Variants in RHOBTB2 observed in about 807,000 individuals in gnomAD.
The protein encoded by RHOBTB2 is rho-related BTB domain-containing protein 2.
In RHOBTB2, 39 loss-of-function variants were observed where a neutral mutation model predicts 66.5. That is an observed-to-expected ratio of 0.59 (90% confidence interval 0.45 to 0.77). The LOEUF (loss-of-function observed/expected upper bound fraction) is 0.77, where lower values mean the gene tolerates loss of function less well. Among genes scored for constraint, RHOBTB2 ranks in the 30% least tolerant of loss-of-function variants. RHOBTB2 has a pLI of 0.00. For synonymous variants in RHOBTB2, 390 were observed against 395.0 expected, an observed-to-expected ratio of 0.99 and a Z score of 0.15; for missense variants, 755 against 999.1, an observed-to-expected ratio of 0.76 and a Z score of 3.29.
chr8:22,962,039 TA>T, the RHOBTB2 span, among the ~76,000 whole-genome samples: 2 of 152,004 alleles, frequency 1.3e-5, no homozygotes, highest in African/African-American at 4.8e-5. Context: ...CTGGTGACTG[TA>T]CTCCCAACTA....
Position 23,007,532 on chromosome 8 carries a change from C to A in RHOBTB2, c.1287C>A (p.Val429=). 1 of 1,614,134 alleles carries A rather than the reference C, an allele frequency of 6.2e-7. No individual in the cohort carries two copies. The highest frequency in any genetic ancestry group is 8.5e-7 in the Non-Finnish European group (1 of 1,180,004). ...SSIQPGPFRA[V]LKYLYTGELD... ...TCCAGCCGGGGCCCTTCCGGGCTGT[C>A]CTCAAGTACCTGTACACGGGGGAGC... Residue 429 remains valine, a synonymous_variant, in exon 5 of 10, where the codon GTC becomes GTA. Coordinates refer to ENST00000251822, the MANE Select transcript of RHOBTB2 (RefSeq NM_015178.3).
chr8:22,976,453 T>G, the RHOBTB2 span, among the ~76,000 whole-genome samples: 1 of 151,812 alleles, frequency 6.6e-6, no homozygotes. Context: ...ACTTGAGGGG[T>G]TCAGGAAGAA....
upstream of RHOBTB2, among the ~76,000 whole-genome samples, chr8:22,997,928 G>A (rs1270156118): frequency 6.6e-6 from 1 of 152,220 alleles, no homozygotes; most frequent in Non-Finnish European, 1.5e-5. Context: ...GGAAGAACAT[G>A]TGTGAGCATG....
the RHOBTB2 span, among the ~76,000 whole-genome samples, chr8:22,963,470 C>T: frequency 2.0e-5 from 3 of 151,652 alleles, no homozygotes; most frequent in Non-Finnish European, 2.9e-5. Flanking sequence ...GAGAAAAGCA[C>T]AGGAAGTTTC....
rs957528229 is a variant in RHOBTB2, at chr8:23,004,823, C to T, written c.192+197C>T. 1.1e-5 allele frequency: 7 copies of T among 609,128 alleles called. No individual in the cohort carries two copies. Among genetic ancestry groups the T allele is most frequent in the South Asian group, 5.9e-5 (3 of 51,044 alleles). The allele number at this position is 609,128 out of a possible 1,614,324, so 37.7% of individuals were successfully genotyped here. ...GTCTGCCCCAGGGAAGTGTCTCTGG[C>T]TGGTTGTGTTTTCAGGGACTGAGCT... On this transcript the variant is annotated intron_variant, in intron 2 of 9. Transcript: ENST00000251822. The surrounding 1 kb of genome is among the most constrained non-coding windows in gnomAD (Gnocchi z 6.4).
At chr8:22,975,491 C>T in the RHOBTB2 span, among the ~76,000 whole-genome samples, 1 of 152,028 alleles carries the variant, frequency 6.6e-6, no homozygotes, top group South Asian at 2.1e-4. Context: ...TTTCATGTGG[C>T]CCAAGTGCTG....
intron 7 of RHOBTB2, among the ~76,000 whole-genome samples, chr8:23,012,911 C>T (rs1342061862): frequency 6.6e-6 from 1 of 152,206 alleles, no homozygotes; most frequent in Non-Finnish European, 1.5e-5. Flanking sequence ...TCAAGCGATT[C>T]TCCTGCCTGA....
rs1405291434 is a variant in RHOBTB2 at position 23,007,306 on chromosome 8, C to T, written c.1061C>T (p.Ala354Val). ...SFDVCESVDE[A>V]GGSGPAGLRA... ...GACGTGTGCGAGAGCGTGGATGAGGCTGGGGGCTCCGGTCCTGCTGGCCTC... is the reference window on the plus strand; with the variant it reads ...GACGTGTGCGAGAGCGTGGATGAGGTTGGGGGCTCCGGTCCTGCTGGCCTC... The change falls in exon 5 of 10, where the codon GCT becomes GTT. Residue 354 changes from alanine to valine, a missense_variant. Physicochemically the swap from Ala to Val is moderately conservative, Grantham distance 64 (BLOSUM62 0). Around this residue, in one of 7 missense-constraint regions of RHOBTB2, gnomAD observed 247 missense variants for 238.9 expected, o/e 1.03. Coordinates refer to ENST00000251822, the MANE Select transcript of RHOBTB2 (RefSeq NM_015178.3). 4 of 1,613,620 alleles carry T rather than the reference C, an allele frequency of 2.5e-6. No homozygotes were observed. Among genetic ancestry groups the T allele is most frequent in the East Asian group, 2.2e-5 (1 of 44,900 alleles).
upstream of RHOBTB2, chr8:22,998,857 G>C (rs957656190): frequency 1.3e-5 from 2 of 152,092 alleles, no homozygotes. Flanking sequence ...GTAAATTGAG[G>C]CAGAAAACCC....
the RHOBTB2 span, among the ~76,000 whole-genome samples, chr8:22,976,229 C>T: frequency 6.6e-6 from 1 of 152,102 alleles, no homozygotes; most frequent in Non-Finnish European, 1.5e-5. Flanking sequence ...AGGGTCAAAG[C>T]TGTAAAGTCC....
At chr8:23,012,721 C>T (rs560426700) in intron 7 of RHOBTB2, among the ~76,000 whole-genome samples, 1 of 152,258 alleles carries the variant, frequency 6.6e-6, no homozygotes, top group Admixed American at 6.5e-5. Flanking sequence ...TGGGCTCAAG[C>T]GATCCTCCCA....
chr8:22,967,955 G>A, the RHOBTB2 span, among the ~76,000 whole-genome samples: 3 of 152,050 alleles, frequency 2.0e-5, no homozygotes, highest in Admixed American at 6.6e-5. Flanking sequence ...CCAGGAGTTC[G>A]AGAGCAGCCT....
chr8:22,988,282 C>T (rs753537838), intron 1 of RHOBTB2, among the ~76,000 whole-genome samples: 7 of 151,844 alleles, frequency 4.6e-5, no homozygotes, highest in African/African-American at 1.7e-4. Context: ...GCCTTAGCCT[C>T]CCATGTAGCT....
upstream of RHOBTB2, among the ~76,000 whole-genome samples, chr8:22,997,457 G>A (rs1319039641): frequency 1.3e-5 from 2 of 152,148 alleles, no homozygotes; most frequent in East Asian, 1.9e-4. Context: ...GGGGCGGGGC[G>A]GGGGCTGTGG....
At chr8:22,966,459 A>G in the RHOBTB2 span, among the ~76,000 whole-genome samples, 78,310 of 151,796 alleles carry the variant, frequency 0.52, 22,276 homozygotes, top group East Asian at 0.73. Flanking sequence ...TTTTCCAAAG[A>G]CATACAAATG....
chr8:23,013,584 C>T (rs1811207846), intron 7 of RHOBTB2, among the ~76,000 whole-genome samples: 2 of 151,820 alleles, frequency 1.3e-5, no homozygotes, highest in African/African-American at 4.9e-5. Context: ...AAACTTTCAC[C>T]TCCCAGGTTC....
Position 23,006,952 on chromosome 8 carries a change from C to A in RHOBTB2, c.707C>A (p.Pro236His), listed in dbSNP as rs1282689961. The change falls in exon 5 of 10, where the codon CCC (proline) becomes CAC (histidine). Residue 236 changes from proline to histidine, a missense_variant. Around this residue, in one of 7 missense-constraint regions of RHOBTB2, gnomAD observed 247 missense variants for 238.9 expected, o/e 1.03. Coordinates refer to ENST00000251822, the MANE Select transcript of RHOBTB2 (RefSeq NM_015178.3). The surrounding 1 kb of genome is among the most constrained non-coding windows in gnomAD (Gnocchi z 6.1). Reference sequence around the variant, plus strand: ...CTGCTGCAGGCACCCTTCCTACCCCCCAAGCCACCGCCCCCGATCATCGTG... The same window carrying A: ...CTGCTGCAGGCACCCTTCCTACCCCACAAGCCACCGCCCCCGATCATCGTG... ...RPLLQAPFLP[P>H]KPPPPIIVVP... The A allele has an allele frequency of 1.2e-6, 2 of 1,612,382 alleles. No individual in the cohort carries two copies. The highest frequency in any genetic ancestry group is 1.7e-6 in the Non-Finnish European group (2 of 1,180,000).
chr8:23,010,431 T>C, intron 6 of RHOBTB2, 107 bp from the exon 7 acceptor site: 1 of 1,307,000 alleles, frequency 7.7e-7, no homozygotes, highest in Admixed American at 2.1e-5. Flanking sequence ...GCTGCCCGTC[T>C]GGGGGAGCCT....
chr8:22,956,739 G>A, the RHOBTB2 span, among the ~76,000 whole-genome samples: 1 of 152,214 alleles, frequency 6.6e-6, no homozygotes, highest in Non-Finnish European at 1.5e-5. Context: ...TTGACTCACT[G>A]CAACCTCCGC....
Sources: allele counts gnomAD v4.1 joint callset (sites outside exome capture counted in the v4.1 genomes callset), GRCh38; gene constraint gnomAD v4.1.1; regional missense constraint gnomAD v4.1.1; non-coding constraint Gnocchi (gnomAD v3.1); transcripts MANE v1.5; gene names NCBI Gene and HGNC (gene_info 2026-07-23, HGNC 2026-07-21).